ITPK1: variants seen among roughly 807,000 people sequenced by gnomAD.
ITPK1 encodes the protein inositol 1,3,4-trisphosphate 5/6-kinase.
ITPK1 carries 21 observed loss-of-function variants against 45.3 expected under a neutral mutation model. The observed-to-expected ratio is 0.46, with a 90% CI of 0.33 to 0.67. The LOEUF is 0.67. Among genes scored for constraint, ITPK1 ranks in the 30% least tolerant of loss-of-function variants. ITPK1 has a pLI of 0.02. For missense variants in ITPK1, 474 were observed against 573.5 expected, an observed-to-expected ratio of 0.83 and a Z score of 1.77; for synonymous variants, 258 against 253.6, an observed-to-expected ratio of 1.02 and a Z score of -0.16.
intron 3 of ITPK1, among the ~76,000 whole-genome samples, chr14:93,024,153 A>T (rs2139873182): frequency 6.6e-6 from 1 of 152,300 alleles, no homozygotes; most frequent in African/African-American, 2.4e-5. Flanking sequence ...TGTTGCGGGG[A>T]GAGCGGAGAG....
chr14:93,011,389 T>C lies in ITPK1; in HGVS notation c.246+5287A>G, dbSNP rs116521479. Among the ~76,000 whole-genome samples the C allele has an allele frequency of 1.6e-3, 241 of 152,342 alleles. 1 individual carries two copies. Among genetic ancestry groups the C allele is most frequent in the African/African-American group, 5.5e-3 (230 of 41,596 alleles). Reference sequence around the variant, plus strand: ...ACCCCCTCCCACCAGCTCCCAGCCCTACTCACTTCCTGTCCCCTCAGGAGG... The same window carrying C: ...ACCCCCTCCCACCAGCTCCCAGCCCCACTCACTTCCTGTCCCCTCAGGAGG... On this transcript the variant is annotated intron_variant, in intron 4 of 10. Transcript: ENST00000267615.
intron 2 of ITPK1, among the ~76,000 whole-genome samples, chr14:93,084,294 CTG>C (rs1033399633): frequency 2.0e-5 from 3 of 152,264 alleles, no homozygotes; most frequent in Non-Finnish European, 4.4e-5. Flanking sequence ...CTATGGGCAA[CTG>C]TGTGTCCCCC....
chr14:93,019,676 A>T (rs1007693853), intron 3 of ITPK1, among the ~76,000 whole-genome samples: 1 of 152,088 alleles, frequency 6.6e-6, no homozygotes, highest in Non-Finnish European at 1.5e-5. Flanking sequence ...TCCCCTGAAC[A>T]CACTGCAAAC....
At chr14:92,953,973 A>T (rs946608724) in intron 8 of ITPK1, among the ~76,000 whole-genome samples, 5 of 152,098 alleles carry the variant, frequency 3.3e-5, no homozygotes, top group African/African-American at 1.2e-4. Flanking sequence ...GGCTCACTGC[A>T]ACCTCCGCCT....
intron 2 of ITPK1, among the ~76,000 whole-genome samples, chr14:93,094,670 G>A (rs929974543): frequency 2.6e-5 from 4 of 152,322 alleles, no homozygotes; most frequent in South Asian, 4.1e-4. Flanking sequence ...TGAGCCCACC[G>A]GCTCCACGTT....
At chr14:92,969,584 A>G (rs1051526081) in intron 5 of ITPK1, among the ~76,000 whole-genome samples, 7 of 152,188 alleles carry the variant, frequency 4.6e-5, no homozygotes, top group African/African-American at 1.4e-4. Context: ...ACCAGCAGAC[A>G]AGCCCCTTCT....
intron 4 of ITPK1, among the ~76,000 whole-genome samples, chr14:93,004,740 C>T (rs879869939): frequency 6.6e-5 from 10 of 151,532 alleles, no homozygotes; most frequent in Non-Finnish European, 1.0e-4. Context: ...AAAGGAGAGG[C>T]GTGGGGCTGA....
Position 93,053,762 on chromosome 14 carries a change from T to C in ITPK1, c.120+22833A>G, listed in dbSNP as rs79481841. ...GGGTAGGGCAGATACGGGAAGTCTC[T>C]GCACCTTCCTCTCAATTTTGCTGTG... is the stretch of plus-strand genomic sequence containing the variant. On this transcript the variant is annotated intron_variant, in intron 3 of 10. Transcript: ENST00000267615. 1.2e-3 allele frequency among the ~76,000 whole-genome samples: 182 copies of C among 152,328 alleles called. No homozygotes were observed. In the East Asian group the frequency reaches 0.031, roughly 26 times the overall value.
chr14:93,098,054 C>A (rs759418324), intron 2 of ITPK1, among the ~76,000 whole-genome samples: 2 of 152,046 alleles, frequency 1.3e-5, no homozygotes, highest in African/African-American at 4.8e-5. Context: ...CCAGGTGGCT[C>A]ATGCATATAA....
At chr14:93,035,475 G>A (rs1177867266) in intron 3 of ITPK1, among the ~76,000 whole-genome samples, 1 of 152,200 alleles carries the variant, frequency 6.6e-6, no homozygotes, top group Non-Finnish European at 1.5e-5. Context: ...ATGTACACCA[G>A]AGAGCCCCAA....
rs560108173 is a variant in ITPK1 at position 92,996,704 on chromosome 14, G to A, written c.247-2707C>T. On this transcript the variant is annotated intron_variant, in intron 4 of 10. Transcript: ENST00000267615. ...TCCGCTTCACCCCGCCAGATCTATA[G>A]TCCTGGCTAGCAAGTTCATGTCCTC... 2.6e-5 allele frequency among the ~76,000 whole-genome samples: 4 copies of A among 152,296 alleles called. No individual in the cohort carries two copies. In the South Asian group the frequency reaches 8.3e-4, roughly 32 times the overall value.
intron 5 of ITPK1, among the ~76,000 whole-genome samples, chr14:92,963,535 C>A (rs1243994249): frequency 6.6e-6 from 1 of 152,036 alleles, no homozygotes; most frequent in Non-Finnish European, 1.5e-5. Flanking sequence ...CCCCACCACG[C>A]TCACTGCATC....
intron 5 of ITPK1, among the ~76,000 whole-genome samples, chr14:92,984,361 T>C (rs1374016621): frequency 6.6e-6 from 1 of 152,250 alleles, no homozygotes; most frequent in Non-Finnish European, 1.5e-5. Context: ...GAGGGGACTC[T>C]ATAGTTAACT....
chr14:92,948,897 T>TGAGGGACCCACGC (rs1247591526), intron 9 of ITPK1, among the ~76,000 whole-genome samples: 2 of 151,874 alleles, frequency 1.3e-5, no homozygotes, highest in African/African-American at 2.4e-5. Context: ...TCACCCACGC[T>TGAGGGACCCACGC]CTGAGGGACC....
intron 3 of ITPK1, among the ~76,000 whole-genome samples, chr14:93,065,593 G>A (rs1388946337): frequency 1.3e-5 from 2 of 152,190 alleles, no homozygotes; most frequent in Non-Finnish European, 2.9e-5. Context: ...GCCCAAGTGT[G>A]CTGGACACAG....
intron 3 of ITPK1, among the ~76,000 whole-genome samples, chr14:93,058,101 G>C (rs962024054): frequency 5.9e-5 from 9 of 152,056 alleles, no homozygotes; most frequent in African/African-American, 2.2e-4. Context: ...CTGGGGCCTG[G>C]GTGAGCACCC....
rs140894222 is a variant in ITPK1 at position 92,939,156 on chromosome 14, CCAGA to C, written c.*2401_*2404del. Reference sequence around the variant, plus strand: ...TGCTAAGTGGGTCCCTTCCTTGGACCCAGACACTCTCAGTGACTCTGCTCAGGAG... The same window carrying C: ...TGCTAAGTGGGTCCCTTCCTTGGACCCACTCTCAGTGACTCTGCTCAGGAG... On this transcript the variant is annotated 3_prime_UTR_variant, in exon 11 of 11. Coordinates refer to ENST00000267615, the MANE Select transcript of ITPK1 (RefSeq NM_014216.6). 9,641 of 152,506 alleles carry C rather than the reference CCAGA, an allele frequency of 0.063. 419 individuals are homozygous for C. Among genetic ancestry groups the C allele is most frequent in the East Asian group, 0.24 (1,256 of 5,170 alleles). The allele number at this position is 152,506 out of a possible 1,614,324, so 9.4% of individuals were successfully genotyped here.
In ITPK1 at chr14:93,080,447, G is replaced by A. The variant is rs1349362681; in HGVS notation, c.96-3828C>T. Among the ~76,000 whole-genome samples, 4 of 152,216 alleles carry A rather than the reference G, an allele frequency of 2.6e-5. No individual in the cohort carries two copies. The East Asian group carries it at 5.8e-4, about 22-fold the overall frequency. The stretch of plus-strand genomic sequence containing the variant: ...AGCACGAAGCAATCGATCAATGGAG[G>A]ACACAAGACAGCAGAGCTCAGGATG... On this transcript the variant is annotated intron_variant, in intron 2 of 10. Coordinates refer to ENST00000267615, the MANE Select transcript of ITPK1 (RefSeq NM_014216.6).
Position 93,093,333 on chromosome 14 carries a change from G to T in ITPK1, c.96-16714C>A, listed in dbSNP as rs1048384243. ...TCTGCCCTGCCCCAGCGGCCAGGCC[G>T]TTTCGGCCCTTTGTGTTATAACTGC... On this transcript the variant is annotated intron_variant, in intron 2 of 10. Coordinates refer to ENST00000267615, the MANE Select transcript of ITPK1 (RefSeq NM_014216.6). Among the ~76,000 whole-genome samples the T allele has an allele frequency of 2.6e-5, 4 of 152,324 alleles. No homozygotes were observed. The East Asian group carries it at 7.7e-4, about 29-fold the overall frequency.
Sources: allele counts gnomAD v4.1 joint callset (sites outside exome capture counted in the v4.1 genomes callset), GRCh38; gene constraint gnomAD v4.1.1; transcripts MANE v1.5; gene names NCBI Gene and HGNC (gene_info 2026-07-23, HGNC 2026-07-21).